The following GAS7 variants were observed in gnomAD, a reference collection of about 807,000 sequenced individuals.
GAS7 encodes the protein growth arrest specific 7.
Under a neutral mutation model 71.1 loss-of-function variants are expected in GAS7, and 28 were observed. The ratio of observed to expected loss-of-function variants is 0.39; its 90% CI spans 0.29 to 0.54. The LOEUF (loss-of-function observed/expected upper bound fraction) is 0.54. Among genes scored for constraint, GAS7 ranks in the 20% least tolerant of loss-of-function variants. The pLI is 0.62. For missense variants in GAS7, 436 were observed against 627.8 expected (o/e 0.69, Z 3.27); for synonymous variants, 258 against 245.8 (o/e 1.05, Z -0.46).
At chr17:9,980,963 A>G (rs1381917601) in intron 3 of GAS7, among the ~76,000 whole-genome samples, 1 of 152,170 alleles carries the variant, frequency 6.6e-6, no homozygotes, top group African/African-American at 2.4e-5. Flanking sequence ...ATGTCTCCCA[A>G]GAGGCCCCTG....
chr17:10,132,749 C>A (rs751946073), intron 1 of GAS7, among the ~76,000 whole-genome samples: 12 of 120,548 alleles, frequency 1.0e-4, no homozygotes, highest in South Asian at 5.8e-4. Context: ...CAGAGTAAGA[C>A]CCTGTCTCAA....
chr17:10,090,520 G>A (rs529626585), intron 1 of GAS7, among the ~76,000 whole-genome samples: 37 of 151,084 alleles, frequency 2.4e-4, no homozygotes, highest in Non-Finnish European at 5.3e-4. Context: ...GTCAGAATGG[G>A]AAACTGCAAA....
chr17:10,132,975 C>A (rs1352104663), intron 1 of GAS7, among the ~76,000 whole-genome samples: 1 of 151,972 alleles, frequency 6.6e-6, no homozygotes, highest in African/African-American at 2.4e-5. Flanking sequence ...CCAAGCCCCT[C>A]TGACTTGGTC....
intron 4 of GAS7, among the ~76,000 whole-genome samples, chr17:9,965,683 A>T (rs1597567177): frequency 6.6e-6 from 1 of 152,206 alleles, no homozygotes; most frequent in Non-Finnish European, 1.5e-5. Context: ...GTAAAATAAA[A>T]AATAAAAAAA....
In GAS7 at chr17:9,981,809, G is replaced by A. The variant is rs1181291805; in HGVS notation, c.380C>T (p.Pro127Leu). ...AAGCAGACAGCGGACATTACCTGTT[G>A]GAGGCAGAGAGCTCCTGTGAGAGCC... ...SPGSHRSSLP[P>L]TVNGYHASGT... is the part of the protein sequence containing the mutation. Residue 127 changes from proline to leucine, a missense_variant, in exon 3 of 14, where the codon CCA becomes CTA. Pro to Leu is a moderately conservative substitution (Grantham distance 98, BLOSUM62 -3). Coordinates refer to ENST00000432992, the MANE Select transcript of GAS7 (RefSeq NM_201433.2). This position sits in a 1 kb window ranked among gnomAD's most constrained non-coding sequence, Gnocchi z 4.4. The A allele has an allele frequency of 1.3e-6, 2 of 1,572,794 alleles. No homozygotes were observed. Among genetic ancestry groups the A allele is most frequent in the East Asian group, 2.2e-5 (1 of 44,690 alleles).
At chr17:9,983,264 G>A (rs191733517) in intron 2 of GAS7, among the ~76,000 whole-genome samples, 1 of 152,300 alleles carries the variant, frequency 6.6e-6, no homozygotes, top group African/African-American at 2.4e-5. Context: ...GCTGAGGTGG[G>A]TGAATTGCTT....
At chr17:10,079,458 A>G (rs1057040097) in intron 1 of GAS7, among the ~76,000 whole-genome samples, 3 of 152,194 alleles carry the variant, frequency 2.0e-5, no homozygotes, top group Non-Finnish European at 4.4e-5. Context: ...CTGATAAGAA[A>G]TACTTACAAC....
chr17:9,923,174 TG>T (rs1343173228), intron 11 of GAS7, among the ~76,000 whole-genome samples: 1 of 151,932 alleles, frequency 6.6e-6, no homozygotes, highest in Non-Finnish European at 1.5e-5. Context: ...CCCAAAGTGC[TG>T]GGATTACAGG....
chr17:9,937,720 A>G (rs2068451190), intron 8 of GAS7, among the ~76,000 whole-genome samples: 1 of 152,238 alleles, frequency 6.6e-6, no homozygotes, highest in African/African-American at 2.4e-5. Context: ...ACGAAGGCAG[A>G]TTTGGACTGG....
intron 2 of GAS7, among the ~76,000 whole-genome samples, chr17:9,982,798 G>A (rs892259275): frequency 4.3e-5 from 3 of 70,548 alleles, no homozygotes; most frequent in Non-Finnish European, 7.9e-5. Context: ...AGAAAGAAAG[G>A]AAAGAAAGGA....
chr17:10,133,122 A>ATATATATATATATAT (rs1392845338), intron 1 of GAS7, among the ~76,000 whole-genome samples: 60 of 118,904 alleles, frequency 5.0e-4, no homozygotes, highest in African/African-American at 1.7e-3. Flanking sequence ...ATATTTTTAT[A>ATATATATATATATAT]TTTTTTTTTT....
At chr17:9,996,568 A>T (rs1222423432) in intron 2 of GAS7, among the ~76,000 whole-genome samples, 11 of 82,944 alleles carry the variant, frequency 1.3e-4, no homozygotes, top group African/African-American at 2.7e-4. Flanking sequence ...GTATAATTTA[A>T]AAAAAAAAAA....
chr17:10,144,496 G>A (rs906619998), intron 1 of GAS7, among the ~76,000 whole-genome samples: 1 of 152,136 alleles, frequency 6.6e-6, no homozygotes, highest in Non-Finnish European at 1.5e-5. Flanking sequence ...AGGTAAGAAA[G>A]GATCTGGTAA....
At chr17:10,188,657 G>A (rs924950024) in intron 1 of GAS7, among the ~76,000 whole-genome samples, 8 of 152,076 alleles carry the variant, frequency 5.3e-5, no homozygotes, top group African/African-American at 1.7e-4. Context: ...TTTGTTTTAA[G>A]AGACAGAGTC....
At chr17:9,948,186 G>C (rs895110130) in intron 5 of GAS7, among the ~76,000 whole-genome samples, 1 of 152,226 alleles carries the variant, frequency 6.6e-6, no homozygotes, top group African/African-American at 2.4e-5. Flanking sequence ...CTATGGGTGA[G>C]GAGGGGGCAC....
rs143740213 is a variant in GAS7, at chr17:9,971,054, G to A, written c.386-1292C>T. 2.9e-3 allele frequency among the ~76,000 whole-genome samples: 440 copies of A among 152,184 alleles called. 1 individual carries two copies. Among genetic ancestry groups the A allele is most frequent in the African/African-American group, 0.01 (427 of 41,514 alleles). On this transcript the variant is annotated intron_variant, in intron 3 of 13. Coordinates refer to ENST00000432992, the MANE Select transcript of GAS7 (RefSeq NM_201433.2). ...TGTTGGTGTGAGAATCCAACAAAGC[G>A]ATAATAGCAAAAGTTATAAGTAGTC... is the stretch of plus-strand genomic sequence containing the variant.
chr17:9,945,596 G>A (rs1464386823), intron 6 of GAS7, among the ~76,000 whole-genome samples: 1 of 151,878 alleles, frequency 6.6e-6, no homozygotes, highest in Non-Finnish European at 1.5e-5. Flanking sequence ...AGGGATCTTT[G>A]TATATCTTCT....
chr17:9,982,919 G>C (rs777977049), intron 2 of GAS7, among the ~76,000 whole-genome samples: 10 of 152,108 alleles, frequency 6.6e-5, no homozygotes, highest in Non-Finnish European at 1.3e-4. Flanking sequence ...CTATAGTATT[G>C]TCCCCCAAAC....
At chr17:10,030,496 G>T (rs756107933) in intron 1 of GAS7, among the ~76,000 whole-genome samples, 1 of 152,194 alleles carries the variant, frequency 6.6e-6, no homozygotes, top group Non-Finnish European at 1.5e-5. Context: ...GGTGCATGAG[G>T]CACACCTGCA....
Sources: allele counts gnomAD v4.1 joint callset (sites outside exome capture counted in the v4.1 genomes callset), GRCh38; gene constraint gnomAD v4.1.1; non-coding constraint Gnocchi (gnomAD v3.1); transcripts MANE v1.5; gene names NCBI Gene and HGNC (gene_info 2026-07-23, HGNC 2026-07-21).